XIRP1: variants seen among roughly 807,000 people sequenced by gnomAD.
XIRP1 encodes the protein xin actin binding repeat containing 1, also known as xin actin-binding repeat-containing protein 1.
For synonymous variants in XIRP1, 984 were observed against 947.0 expected (o/e 1.04, Z -0.72); for missense variants, 2,378 against 2,345.4 (o/e 1.01, Z -0.29).
rs1482809257 is a variant in XIRP1, at chr3:39,184,955, G to A, written c.4491C>T (p.Leu1497=). 2 of 1,552,536 alleles carry A rather than the reference G, an allele frequency of 1.3e-6. No individual in the cohort carries two copies. Among genetic ancestry groups the A allele is most frequent in the Non-Finnish European group, 1.7e-6 (2 of 1,151,032 alleles). The change falls in exon 2 of 2, where the codon CTC becomes CTT. Residue 1497 remains leucine (L), a synonymous_variant. Transcript: ENST00000340369. The part of the protein sequence containing the change: ...SSVDVQALRR[L]FEAVPQLGGA... ...CTCCCAGCTGGGGCACGGCCTCAAAGAGCCTCCGCAGGGCCTGCACGTCCA... is the reference window on the plus strand; with the variant it reads ...CTCCCAGCTGGGGCACGGCCTCAAAAAGCCTCCGCAGGGCCTGCACGTCCA...
In XIRP1 at chr3:39,187,122, A is replaced by G. The variant is rs1426433969; in HGVS notation, c.2324T>C (p.Leu775Pro). The part of the protein sequence containing the change: ...ESQETAAEGT[L>P]RTLHATPGIL... Reference sequence around the variant, plus strand: ...GCCAGGTGTGGCATGCAGAGTCCGCAGGGTCCCCTCAGCTGCAGTCTCCTG... The same window carrying G: ...GCCAGGTGTGGCATGCAGAGTCCGCGGGGTCCCCTCAGCTGCAGTCTCCTG... Residue 775 changes from leucine (L) to proline (P), a missense_variant, in exon 2 of 2, where the codon CTG becomes CCG. By Grantham distance (98) the Leu-to-Pro change is moderately conservative (BLOSUM62 -3). Transcript: ENST00000340369. 1 of 1,613,104 alleles carries G rather than the reference A, an allele frequency of 6.2e-7. No homozygotes were observed. Among genetic ancestry groups the G allele is most frequent in the African/African-American group, 1.3e-5 (1 of 74,912 alleles).
Position 39,186,625 on chromosome 3 carries a change from G to A in XIRP1, c.2821C>T (p.Leu941=). 1 of 1,611,568 alleles carries A rather than the reference G, an allele frequency of 6.2e-7. No individual in the cohort carries two copies. Among genetic ancestry groups the A allele is most frequent in the Non-Finnish European group, 8.5e-7 (1 of 1,178,352 alleles). The part of the protein sequence containing the change: ...SCIDKGDLSG[L]HSLRWEPPAD... ...GGGGGCTCCCACCGCAGACTGTGCA[G>A]GCCACTCAGGTCTCCTTTATCTATG... The change falls in exon 2 of 2, where the codon CTG becomes TTG. Residue 941 remains leucine, a synonymous_variant. Transcript: ENST00000340369.
rs752357804 is a variant in XIRP1, at chr3:39,185,623, G to A, written c.3823C>T (p.Arg1275Cys). 11 of 1,612,684 alleles carry A rather than the reference G, an allele frequency of 6.8e-6. No homozygotes were observed. Among genetic ancestry groups the A allele is most frequent in the East Asian group, 4.5e-5 (2 of 44,876 alleles). The change falls in exon 2 of 2, where the codon CGT becomes TGT. Residue 1275 changes from arginine to cysteine, a missense_variant. By Grantham distance (180) the Arg-to-Cys change is radical. Transcript: ENST00000340369. ...GCTTGCTGGATGGAGTCCTCAGCAC[G>A]GTGGGCTCCAGCTGGAAAGTCAGGT... ...TGPDFPAGAH[R>C]AEDSIQQASE...
In XIRP1 at chr3:39,184,181, C is replaced by T; in HGVS notation, c.5265G>A (p.Gly1755=). 1 of 1,614,162 alleles carries T rather than the reference C, an allele frequency of 6.2e-7. No individual in the cohort carries two copies. The highest frequency in any genetic ancestry group is 1.7e-4 in the Middle Eastern group (1 of 6,060). ...WQKSVLELQT[G]PGSSQHYGAM... is the part of the protein sequence containing the mutation. ...CTCCATAGTGTTGTGAGCTCCCTGG[C>T]CCCGTCTGTAGCTCCAGAACACTCT... The change falls in exon 2 of 2, where the codon GGG becomes GGA. Residue 1755 remains glycine (G), a synonymous_variant. Transcript: ENST00000340369.
Position 39,185,763 on chromosome 3 carries a change from G to A in XIRP1, c.3683C>T (p.Thr1228Ile), listed in dbSNP as rs145160075. Residue 1228 changes from threonine to isoleucine, a missense_variant, in exon 2 of 2, where the codon ACT becomes ATT. By Grantham distance (89) the Thr-to-Ile change is moderately conservative. Coordinates refer to ENST00000340369, the MANE Select transcript of XIRP1 (RefSeq NM_194293.4). ...CAGAATGTGGCGGCCTAGAGGGGCA[G>A]TCTTCAGGGTGGTCTCTGCAGCTTG... ...GLQAAETTLK[T>I]APLGRHILAS... 376 of 1,608,086 alleles carry A rather than the reference G, an allele frequency of 2.3e-4. No homozygotes were observed. The highest frequency in any genetic ancestry group is 3.0e-4 in the Non-Finnish European group (349 of 1,177,078).
In XIRP1 at chr3:39,184,769, G is replaced by A; in HGVS notation, c.4677C>T (p.Ser1559=). ...CCTCAGGCTGGAGGCTAGACATGGA[G>A]CTGAGTGCCTTGTGCACAGCCTCTT... ...DIEEAVHKAL[S]SMSSLQPEAS... is the part of the protein sequence containing the mutation. Residue 1559 remains serine (S), a synonymous_variant, in exon 2 of 2, where the codon AGC becomes AGT. Transcript: ENST00000340369. The A allele has an allele frequency of 1.2e-6, 2 of 1,614,252 alleles. No homozygotes were observed. Among genetic ancestry groups the A allele is most frequent in the South Asian group, 1.1e-5 (1 of 91,088 alleles).
Position 39,184,024 on chromosome 3 carries a change from A to G in XIRP1, c.5422T>C (p.Ser1808Pro), listed in dbSNP as rs1352458192. Residue 1808 changes from serine (S) to proline (P), a missense_variant, in exon 2 of 2, where the codon TCC becomes CCC. By Grantham distance (74) the Ser-to-Pro change is moderately conservative. Coordinates refer to ENST00000340369, the MANE Select transcript of XIRP1 (RefSeq NM_194293.4). ...NPGSHLGLHA[S>P]PLLRQFLHSP... ...TGCAGGAACTGCCTCAGCAAGGGGG[A>G]GGCGTGGAGCCCGAGGTGGGAGCCT... 14 of 1,612,454 alleles carry G rather than the reference A, an allele frequency of 8.7e-6. No homozygotes were observed. Among genetic ancestry groups the G allele is most frequent in the Non-Finnish European group, 1.2e-5 (14 of 1,179,306 alleles).
At chr3:39,191,149 T>C (rs369390276) in intron 1 of XIRP1, among the ~76,000 whole-genome samples, 25 of 152,288 alleles carry the variant, frequency 1.6e-4, no homozygotes, top group African/African-American at 6.0e-4. Flanking sequence ...CCCTGGCATG[T>C]CCACCAAAGA....
At chr3:39,190,157 GCCAGAT>G (rs1210848046) in intron 1 of XIRP1, among the ~76,000 whole-genome samples, 6 of 152,170 alleles carry the variant, frequency 3.9e-5, no homozygotes, top group African/African-American at 1.2e-4. Flanking sequence ...TCGTGCTTAG[GCCAGAT>G]CCAAATTCTG....
Position 39,184,182 on chromosome 3 carries a change from C to T in XIRP1, c.5264G>A (p.Gly1755Glu), listed in dbSNP as rs1012469006. 6.2e-7 allele frequency: 1 copy of T among 1,614,150 alleles called. No individual in the cohort carries two copies. Among genetic ancestry groups the T allele is most frequent in the Non-Finnish European group, 8.5e-7 (1 of 1,180,020 alleles). ...TCCATAGTGTTGTGAGCTCCCTGGCCCCGTCTGTAGCTCCAGAACACTCTT... is the reference window on the plus strand; with the variant it reads ...TCCATAGTGTTGTGAGCTCCCTGGCTCCGTCTGTAGCTCCAGAACACTCTT... Reference protein sequence around the residue: ...WQKSVLELQTGPGSSQHYGAM... With the variant: ...WQKSVLELQTEPGSSQHYGAM... Residue 1755 changes from glycine to glutamate, a missense_variant, in exon 2 of 2, where the codon GGG (glycine) becomes GAG (glutamate). Gly to Glu is a moderately conservative substitution (Grantham distance 98, BLOSUM62 -2). Transcript: ENST00000340369.
At chr3:39,190,716 C>G (rs1410624973) in intron 1 of XIRP1, among the ~76,000 whole-genome samples, 1 of 152,168 alleles carries the variant, frequency 6.6e-6, no homozygotes, top group South Asian at 2.1e-4. Flanking sequence ...TCTTATCTCT[C>G]TTGTGACAGG....
Position 39,187,982 on chromosome 3 carries a change from G to A in XIRP1, c.1464C>T (p.Asp488=). ...TCAGGGCATGGAGGCGGCCCTTGCT[G>A]TCCTGCATGGCATACACTGGGGACC... ...GIGSPVYAMQ[D]SKGRLHALTS... The change falls in exon 2 of 2, where the codon GAC becomes GAT. Residue 488 remains aspartate, a synonymous_variant. Transcript: ENST00000340369. 1 of 1,614,196 alleles carries A rather than the reference G, an allele frequency of 6.2e-7. No individual in the cohort carries two copies. The highest frequency in any genetic ancestry group is 8.5e-7 in the Non-Finnish European group (1 of 1,180,040).
Position 39,184,318 on chromosome 3 carries a change from G to C in XIRP1, c.5128C>G (p.Leu1710Val). 1 of 1,614,240 alleles carries C rather than the reference G, an allele frequency of 6.2e-7. No homozygotes were observed. The highest frequency in any genetic ancestry group is 1.1e-5 in the South Asian group (1 of 91,090). ...QLAQDIGQAL[L>V]HQKGVQDKTG... ...TTGTCTTGGACACCTTTCTGGTGGA[G>C]CAGGGCCTGGCCTATGTCCTGAGCC... The change falls in exon 2 of 2, where the codon CTC becomes GTC. Residue 1710 changes from leucine to valine, a missense_variant. Physicochemically the swap from Leu to Val is conservative, Grantham distance 32. Transcript: ENST00000340369.
In XIRP1 at chr3:39,187,416, CT is replaced by C. The variant is rs754914954; in HGVS notation, c.2029del (p.Arg677AspfsTer4). The C allele has an allele frequency of 7.4e-6, 12 of 1,614,244 alleles. No homozygotes were observed. The South Asian group carries it at 1.3e-4, about 18-fold the overall frequency. ...PLQASGRPCG[R>X]RPVRYCSRVE... Reference sequence around the variant, plus strand: ...GCGGCTGCAGTATCTCACAGGCCGTCTTCCACAGGGACGGCCTGAGGCCTGA... The same window carrying C: ...GCGGCTGCAGTATCTCACAGGCCGTCTCCACAGGGACGGCCTGAGGCCTGA... On this transcript the variant is annotated frameshift_variant, in exon 2 of 2. Coordinates refer to ENST00000340369, the MANE Select transcript of XIRP1 (RefSeq NM_194293.4). LOFTEE classifies it low-confidence loss of function (END_TRUNC).
rs772539701 is a variant in XIRP1 at position 39,184,834 on chromosome 3, G to A, written c.4612C>T (p.Gln1538Ter). Reference protein sequence around the residue: ...ELTRVSTEVAQLKEQTLARLL... With the variant: ...ELTRVSTEVA Reference sequence around the variant, plus strand: ...CTTGCCAAGGTCTGTTCCTTCAGTTGAGCAACTTCCGTGCTGACCCGTGTC... The same window carrying A: ...CTTGCCAAGGTCTGTTCCTTCAGTTAAGCAACTTCCGTGCTGACCCGTGTC... Residue 1538 changes from glutamine (Q) to a stop codon, truncating the protein, a stop_gained, in exon 2 of 2, where the codon CAA becomes TAA. Transcript: ENST00000340369. LOFTEE classifies it low-confidence loss of function (END_TRUNC). 3.7e-6 allele frequency: 6 copies of A among 1,613,616 alleles called. No homozygotes were observed. In the Admixed American group the frequency reaches 1.0e-4, roughly 27 times the overall value.
At chr3:39,189,864 A>T (rs2040064004) in intron 1 of XIRP1, among the ~76,000 whole-genome samples, 1 of 152,202 alleles carries the variant, frequency 6.6e-6, no homozygotes, top group South Asian at 2.1e-4. Flanking sequence ...TCCCTGGAAG[A>T]CTGCCAGGGG....
chr3:39,186,107 G>C lies in XIRP1; in HGVS notation c.3339C>G (p.Ile1113Met), dbSNP rs2039964749. Reference protein sequence around the residue: ...IRPGGGSDPRIPAAPRKVSRE... With the variant: ...IRPGGGSDPRMPAAPRKVSRE... ...TACTGACCTTTCTGGGGGCTGCTGGGATCCGGGGATCACTTCCACCCCCAG... is the reference window on the plus strand; with the variant it reads ...TACTGACCTTTCTGGGGGCTGCTGGCATCCGGGGATCACTTCCACCCCCAG... Residue 1113 changes from isoleucine (I) to methionine (M), a missense_variant, in exon 2 of 2, where the codon ATC becomes ATG. Ile to Met is a conservative substitution (Grantham distance 10). Transcript: ENST00000340369. The C allele has an allele frequency of 6.2e-7, 1 of 1,613,534 alleles. No individual in the cohort carries two copies. The highest frequency in any genetic ancestry group is 1.3e-5 in the African/African-American group (1 of 75,030).
Position 39,186,674 on chromosome 3 carries a change from G to A in XIRP1, c.2772C>T (p.Ser924=). The change falls in exon 2 of 2, where the codon AGC becomes AGT. Residue 924 remains serine (S), a synonymous_variant. Transcript: ENST00000340369. ...TGCAGCTGGCCAACAGCTGCACGCT[G>A]CTCCTCTCAGAGGCCTTGCTAGTTA... ...PRLTSKASER[S]SVQLLASCID... 1 of 1,613,840 alleles carries A rather than the reference G, an allele frequency of 6.2e-7. No individual in the cohort carries two copies. The highest frequency in any genetic ancestry group is 8.5e-7 in the Non-Finnish European group (1 of 1,179,990).
chr3:39,186,819 G>C lies in XIRP1; in HGVS notation c.2627C>G (p.Pro876Arg). ...GSSGNIEDMD[P>R]ELQQLLACGL... ...GCAAGCCAGCAGCTGCTGGAGCTCA[G>C]GGTCCATGTCTTCAATATTCCCACT... The change falls in exon 2 of 2, where the codon CCT (proline) becomes CGT (arginine). Residue 876 changes from proline to arginine, a missense_variant. By Grantham distance (103) the Pro-to-Arg change is moderately radical. Coordinates refer to ENST00000340369, the MANE Select transcript of XIRP1 (RefSeq NM_194293.4). 6.2e-7 allele frequency: 1 copy of C among 1,613,942 alleles called. No homozygotes were observed. The highest frequency in any genetic ancestry group is 1.1e-5 in the South Asian group (1 of 91,090).
Sources: gnomAD v4.1 joint callset for allele counts (sites outside exome capture counted in the v4.1 genomes callset) on GRCh38, gnomAD v4.1.1 for gene constraint, MANE v1.5 for transcripts, NCBI Gene and HGNC (gene_info 2026-07-23, HGNC 2026-07-21) for gene names.